Variants in KCNQ1 observed in about 807,000 individuals in gnomAD.
KCNQ1 encodes the protein potassium voltage-gated channel subfamily Q member 1.
Under a neutral mutation model 72.4 loss-of-function variants are expected in KCNQ1, and 49 were observed. That is an observed-to-expected ratio of 0.68 (90% CI 0.54 to 0.86). The LOEUF (loss-of-function observed/expected upper bound fraction) is 0.86. Ranked by LOEUF, KCNQ1 falls within the 40% of genes least tolerant of loss-of-function variation. KCNQ1 has a pLI of 0.00. For missense variants in KCNQ1, 790 were observed against 945.1 expected, an observed-to-expected ratio of 0.84 and a Z score of 2.15; for synonymous variants, 450 against 412.6, an observed-to-expected ratio of 1.09 and a Z score of -1.10.
chr11:2,640,483 G>A (rs1849555969), intron 10 of KCNQ1: 1 of 398,120 alleles, frequency 2.5e-6, no homozygotes, highest in Non-Finnish European at 4.4e-6. Flanking sequence ...ACAGGGTCGT[G>A]CATTGTTGCC....
At chr11:2,776,853 C>T (rs576464581) in intron 13 of KCNQ1, 133 bp from the exon 14 acceptor site, 20 of 863,908 alleles carry the variant, frequency 2.3e-5, no homozygotes, top group East Asian at 5.3e-5. Flanking sequence ...GCCTTAGGGT[C>T]GGGGGTGTCC....
At chr11:2,805,360 G>A (rs1366223105) in intron 15 of KCNQ1, among the ~76,000 whole-genome samples, 1 of 152,198 alleles carries the variant, frequency 6.6e-6, no homozygotes, top group East Asian at 1.9e-4. Context: ...GACGGAGAGG[G>A]ACGACATTTT....
rs1846134821 is a variant in KCNQ1, at chr11:2,746,053, C to T, written c.1515-22791C>T. Among the ~76,000 whole-genome samples, 1 of 152,140 alleles carries T rather than the reference C, an allele frequency of 6.6e-6. No individual in the cohort carries two copies. Among genetic ancestry groups the T allele is most frequent in the African/African-American group, 2.4e-5 (1 of 41,432 alleles). ...TACAGGTGTGCGCCACCACACCTAG[C>T]TAATTTTTGTATTTTTGGTAGAGGT... On this transcript the variant is annotated intron_variant, in intron 11 of 15. Coordinates refer to ENST00000155840, the MANE Select transcript of KCNQ1 (RefSeq NM_000218.3). This position sits in a 1 kb window ranked among gnomAD's most constrained non-coding sequence, Gnocchi z 5.9.
Position 2,782,845 on chromosome 11 carries a change from CCT to C in KCNQ1, c.1794+4809_1794+4810del, listed in dbSNP as rs1199839325. ...TAGTGGTCAAACTTGACACTATTCC[CCT>C]GTCTTATTAAATGTTTCGTGGACTT... On this transcript the variant is annotated intron_variant, in intron 15 of 15. Coordinates refer to ENST00000155840, the MANE Select transcript of KCNQ1 (RefSeq NM_000218.3). This position sits in a 1 kb window ranked among gnomAD's most constrained non-coding sequence, Gnocchi z 6.1. Among the ~76,000 whole-genome samples, 7 of 152,188 alleles carry C rather than the reference CCT, an allele frequency of 4.6e-5. No individual in the cohort carries two copies. Among genetic ancestry groups the C allele is most frequent in the South Asian group, 2.1e-4 (1 of 4,820 alleles).
intron 6 of KCNQ1, among the ~76,000 whole-genome samples, chr11:2,575,966 T>C (rs945219029): frequency 6.6e-6 from 1 of 152,228 alleles, no homozygotes; most frequent in Non-Finnish European, 1.5e-5. Flanking sequence ...TCCCCGTGGC[T>C]GGAGACTCCA....
intron 1 of KCNQ1, among the ~76,000 whole-genome samples, chr11:2,505,089 A>G (rs1267093554): frequency 4.0e-5 from 6 of 151,242 alleles, no homozygotes; most frequent in Non-Finnish European, 8.8e-5. Context: ...CCCAGGACAC[A>G]TGTGCAGGAC....
At chr11:2,729,320 G>A (rs1022581450) in intron 11 of KCNQ1, among the ~76,000 whole-genome samples, 2 of 152,246 alleles carry the variant, frequency 1.3e-5, no homozygotes, top group African/African-American at 2.4e-5. Context: ...TATACAATGG[G>A]GGTAATAAAG....
chr11:2,619,009 T>C (rs1849118200), intron 10 of KCNQ1: 1 of 398,438 alleles, frequency 2.5e-6, no homozygotes, highest in Non-Finnish European at 4.4e-6. Flanking sequence ...GCAACTACTG[T>C]TTTATATTGA....
Position 2,564,368 on chromosome 11 carries a change from C to T in KCNQ1, c.478-6260C>T, listed in dbSNP as rs541823964. Reference sequence around the variant, plus strand: ...CAGCACTTTGGAAGGCTGAGGCGGGCGGATCACCTGAGGTCAGGAGTTTGA... The same window carrying T: ...CAGCACTTTGGAAGGCTGAGGCGGGTGGATCACCTGAGGTCAGGAGTTTGA... On this transcript the variant is annotated intron_variant, in intron 2 of 15. Coordinates refer to ENST00000155840, the MANE Select transcript of KCNQ1 (RefSeq NM_000218.3). This position sits in a 1 kb window ranked among gnomAD's most constrained non-coding sequence, Gnocchi z 4.5. Among the ~76,000 whole-genome samples the T allele has an allele frequency of 2.0e-5, 3 of 152,186 alleles. No homozygotes were observed. The highest frequency in any genetic ancestry group is 1.9e-4 in the East Asian group (1 of 5,182).
At chr11:2,662,626 C>G (rs745403766) in intron 11 of KCNQ1, 1 of 410,580 alleles carries the variant, frequency 2.4e-6, no homozygotes, top group Non-Finnish European at 4.3e-6. Flanking sequence ...AGGCCAATCC[C>G]CGGTGCCCGG....
chr11:2,480,464 G>A (rs1846634595), intron 1 of KCNQ1, among the ~76,000 whole-genome samples: 1 of 152,190 alleles, frequency 6.6e-6, no homozygotes. Context: ...AGTGCAAGGG[G>A]TTCCCCCTTA....
rs1489246993 is a variant in KCNQ1 at position 2,562,929 on chromosome 11, G to C, written c.478-7699G>C. 1.3e-5 allele frequency among the ~76,000 whole-genome samples: 2 copies of C among 152,164 alleles called. No individual in the cohort carries two copies. The highest frequency in any genetic ancestry group is 6.5e-5 in the Admixed American group (1 of 15,278). On this transcript the variant is annotated intron_variant, in intron 2 of 15. Coordinates refer to ENST00000155840, the MANE Select transcript of KCNQ1 (RefSeq NM_000218.3). This position sits in a 1 kb window ranked among gnomAD's most constrained non-coding sequence, Gnocchi z 7.5. ...CAGTAACATCAGAGACACCAAAATAGACAAAAGAGATAATAGAAGAGTAAT... is the reference window on the plus strand; with the variant it reads ...CAGTAACATCAGAGACACCAAAATACACAAAAGAGATAATAGAAGAGTAAT...
rs1453257637 is a variant in KCNQ1 at position 2,676,822 on chromosome 11, C to T, written c.1514+14741C>T. ...CAGTGTATTGTGCTGGGATCTACCA[C>T]AGGGGTCATGTTGTAATGACACCTG... On this transcript the variant is annotated intron_variant, in intron 11 of 15. Transcript: ENST00000155840. This position sits in a 1 kb window ranked among gnomAD's most constrained non-coding sequence, Gnocchi z 4.2. 4 of 398,498 alleles carry T rather than the reference C, an allele frequency of 1.0e-5. No individual in the cohort carries two copies. Among genetic ancestry groups the T allele is most frequent in the Non-Finnish European group, 4.4e-6 (1 of 226,078 alleles). The allele number at this position is 398,498 out of a possible 1,614,324, so 24.7% of individuals were successfully genotyped here.
Position 2,715,853 on chromosome 11 carries a change from G to A in KCNQ1, c.1515-52991G>A, listed in dbSNP as rs1851083660. Among the ~76,000 whole-genome samples, 1 of 152,240 alleles carries A rather than the reference G, an allele frequency of 6.6e-6. No individual in the cohort carries two copies. Among genetic ancestry groups the A allele is most frequent in the South Asian group, 2.1e-4 (1 of 4,834 alleles). On this transcript the variant is annotated intron_variant, in intron 11 of 15. Transcript: ENST00000155840. The surrounding 1 kb of genome is among the most constrained non-coding windows in gnomAD (Gnocchi z 4.9). ...GTCTAAATGCCTCCCAGCCTCCTGAGGTTGAGGGTGGCCACACCAGCCAGA... is the reference window on the plus strand; with the variant it reads ...GTCTAAATGCCTCCCAGCCTCCTGAAGTTGAGGGTGGCCACACCAGCCAGA...
At chr11:2,721,188 G>A (rs546285351) in intron 11 of KCNQ1, among the ~76,000 whole-genome samples, 147 of 152,312 alleles carry the variant, frequency 9.7e-4, no homozygotes, top group Non-Finnish European at 1.7e-3. Flanking sequence ...GAGACAACTC[G>A]ACAAGTTACG....
chr11:2,612,411 T>C lies in KCNQ1; in HGVS notation c.1393+23557T>C. On this transcript the variant is annotated intron_variant, in intron 10 of 15. Coordinates refer to ENST00000155840, the MANE Select transcript of KCNQ1 (RefSeq NM_000218.3). The surrounding 1 kb of genome is among the most constrained non-coding windows in gnomAD (Gnocchi z 5.5). ...GGGACCACTATATTATGGTATCCAATGGGTATCTCTTCATTTTTCTTCATT... is the reference window on the plus strand; with the variant it reads ...GGGACCACTATATTATGGTATCCAACGGGTATCTCTTCATTTTTCTTCATT... 2.5e-6 allele frequency: 1 copy of C among 398,626 alleles called. No homozygotes were observed. Among genetic ancestry groups the C allele is most frequent in the Non-Finnish European group, 4.4e-6 (1 of 226,066 alleles). 24.7% of individuals were successfully genotyped at this position (398,626 alleles called of 1,614,324 possible). A position where few individuals can be genotyped will look rare whatever the true frequency, so the allele number is the denominator to read the frequency against.
chr11:2,795,716 C>T lies in KCNQ1; in HGVS notation c.1794+17679C>T, dbSNP rs930891342. On this transcript the variant is annotated intron_variant, in intron 15 of 15. Coordinates refer to ENST00000155840, the MANE Select transcript of KCNQ1 (RefSeq NM_000218.3). ...AGCTACAGATCCCGCCAACTCTTCC[C>T]TGCCATTTTGCAAGAAACAATATTT... 2.0e-5 allele frequency among the ~76,000 whole-genome samples: 3 copies of T among 152,258 alleles called. No homozygotes were observed. In the East Asian group the frequency reaches 5.8e-4, roughly 29 times the overall value.
Position 2,620,961 on chromosome 11 carries a change from TG to T in KCNQ1, c.1393+32108del. The T allele has an allele frequency of 5.2e-6, 2 of 385,204 alleles. No homozygotes were observed. The highest frequency in any genetic ancestry group is 9.1e-6 in the Non-Finnish European group (2 of 219,610). 23.9% of individuals were successfully genotyped at this position (385,204 alleles called of 1,614,324 possible). On this transcript the variant is annotated intron_variant, in intron 10 of 15. Transcript: ENST00000155840. This position sits in a 1 kb window ranked among gnomAD's most constrained non-coding sequence, Gnocchi z 4.5. ...TTGTTTTGTTTTGTTTTTTTTTGTCTGTTTTTTGCTTTTTTGTTTGTTTGTT... is the reference window on the plus strand; with the variant it reads ...TTGTTTTGTTTTGTTTTTTTTTGTCTTTTTTTGCTTTTTTGTTTGTTTGTT...
Position 2,768,994 on chromosome 11 carries a change from G to C in KCNQ1, c.1590+75G>C. On this transcript the variant is annotated intron_variant, in intron 12 of 15. Coordinates refer to ENST00000155840, the MANE Select transcript of KCNQ1 (RefSeq NM_000218.3). The surrounding 1 kb of genome is among the most constrained non-coding windows in gnomAD (Gnocchi z 6.7). The stretch of plus-strand genomic sequence containing the variant: ...GATGCAGCTGCCCACACCTCTCCTG[G>C]GTTCTCTCCTGCCCATAGTGGAGGG... 1 of 1,236,190 alleles carries C rather than the reference G, an allele frequency of 8.1e-7. No homozygotes were observed. Among genetic ancestry groups the C allele is most frequent in the South Asian group, 1.2e-5 (1 of 82,326 alleles). 76.6% of individuals were successfully genotyped at this position (1,236,190 alleles called of 1,614,324 possible).
Sources: allele counts gnomAD v4.1 joint callset (sites outside exome capture counted in the v4.1 genomes callset), GRCh38; gene constraint gnomAD v4.1.1; non-coding constraint Gnocchi (gnomAD v3.1); transcripts MANE v1.5; gene names NCBI Gene and HGNC (gene_info 2026-07-23, HGNC 2026-07-21).